CHIC2: variants seen among roughly 807,000 people sequenced by gnomAD.
The protein encoded by CHIC2 is cysteine rich hydrophobic domain 2.
In CHIC2, 14 loss-of-function variants were observed where a neutral mutation model predicts 25.9. That is an observed-to-expected ratio of 0.54 (90% CI 0.36 to 0.85). The LOEUF is 0.85. Ranked by LOEUF, CHIC2 falls within the 40% of genes least tolerant of loss-of-function variation. The pLI, the probability that CHIC2 is intolerant of heterozygous loss-of-function variation, is 0.01. For missense variants in CHIC2, 146 were observed against 202.0 expected (o/e 0.72, Z 1.68); for synonymous variants, 70 against 72.0 (o/e 0.97, Z 0.14).
the CHIC2 span, among the ~76,000 whole-genome samples, chr4:54,073,593 C>G: frequency 1.3e-5 from 2 of 152,176 alleles, no homozygotes; most frequent in Non-Finnish European, 1.5e-5. Flanking sequence ...TCCTCCAGCT[C>G]CAGCCAAGCA....
At chr4:54,033,935 C>T (rs970686556) in intron 3 of CHIC2, among the ~76,000 whole-genome samples, 2 of 151,852 alleles carry the variant, frequency 1.3e-5, no homozygotes, top group South Asian at 2.1e-4. Context: ...AATTGGGTAG[C>T]GTTGGTTCTC....
chr4:54,046,899 A>C lies in CHIC2; in HGVS notation c.330+2056T>G, dbSNP rs1021061204. On this transcript the variant is annotated intron_variant, in intron 3 of 5. Transcript: ENST00000263921. ...GGGAGAAAATTTTTGCAACCTGCTC[A>C]TCTGACAAAGGGCTAATATCCAGAA... Among the ~76,000 whole-genome samples, 92 of 152,254 alleles carry C rather than the reference A, an allele frequency of 6.0e-4. 1 individual carries two copies. Among genetic ancestry groups the C allele is most frequent in the Non-Finnish European group, 1.0e-3 (71 of 68,038 alleles).
intron 3 of CHIC2, among the ~76,000 whole-genome samples, chr4:54,032,020 C>G (rs913550791): frequency 6.6e-6 from 1 of 152,080 alleles, no homozygotes; most frequent in Non-Finnish European, 1.5e-5. Flanking sequence ...CACCAAAATG[C>G]AAGTTCTAGC....
At chr4:54,041,358 T>C (rs1234640019) in intron 3 of CHIC2, among the ~76,000 whole-genome samples, 1 of 152,094 alleles carries the variant, frequency 6.6e-6, no homozygotes, top group Non-Finnish European at 1.5e-5. Context: ...TTTATACTCA[T>C]GCCTCTCGAT....
the CHIC2 span, chr4:54,087,254 G>A: frequency 1.5e-3 from 936 of 606,110 alleles, 3 homozygotes; most frequent in Non-Finnish European, 1.8e-3. Context: ...TGTTGAAAGC[G>A]AGGACGCATT....
At chr4:54,086,555 C>G in the CHIC2 span, among the ~76,000 whole-genome samples, 4 of 151,996 alleles carry the variant, frequency 2.6e-5, no homozygotes, top group Non-Finnish European at 5.9e-5. Context: ...TAAACATAAA[C>G]AGAAGATATT....
intron 3 of CHIC2, among the ~76,000 whole-genome samples, chr4:54,034,276 T>C (rs1716316250): frequency 6.6e-6 from 1 of 151,946 alleles, no homozygotes; most frequent in African/African-American, 2.4e-5. Context: ...TGGTGGTGCA[T>C]ACCTGTAATT....
At chr4:54,054,493 A>C (rs1482906503) in intron 1 of CHIC2, among the ~76,000 whole-genome samples, 1 of 152,226 alleles carries the variant, frequency 6.6e-6, no homozygotes, top group Non-Finnish European at 1.5e-5. Flanking sequence ...TTACAGTGAT[A>C]TTTTTAACAG....
chr4:54,013,735 T>G, intron 5 of CHIC2, 102 bp downstream of exon 5: 1 of 1,168,734 alleles, frequency 8.6e-7, no homozygotes. Context: ...GAGATTAAGC[T>G]CCTGACACCT....
chr4:54,071,008 A>G, the CHIC2 span, among the ~76,000 whole-genome samples: 75 of 152,290 alleles, frequency 4.9e-4, no homozygotes, highest in Middle Eastern at 3.4e-3. Context: ...CTTCTGCTCC[A>G]ATGCTTTAGG....
intron 1 of CHIC2, among the ~76,000 whole-genome samples, chr4:54,056,001 T>C (rs1289357831): frequency 6.6e-6 from 1 of 152,208 alleles, no homozygotes; most frequent in Non-Finnish European, 1.5e-5. Context: ...TCTGGTTTTA[T>C]GAAAGTTTAA....
At chr4:54,056,204 A>AT (rs1298039485) in intron 1 of CHIC2, among the ~76,000 whole-genome samples, 1 of 152,210 alleles carries the variant, frequency 6.6e-6, no homozygotes, top group Admixed American at 6.5e-5. Context: ...TGAAAGCTAT[A>AT]TAAGTGTATA....
At chr4:54,026,027 T>C (rs1716047904) in intron 3 of CHIC2, among the ~76,000 whole-genome samples, 1 of 152,124 alleles carries the variant, frequency 6.6e-6, no homozygotes, top group Non-Finnish European at 1.5e-5. Context: ...TTTATTACCT[T>C]ACTTAATCTG....
intron 3 of CHIC2, among the ~76,000 whole-genome samples, chr4:54,014,452 G>A (rs1715684120): frequency 6.6e-6 from 1 of 151,878 alleles, no homozygotes. Context: ...AATAGTAACG[G>A]AAGTTCCTTA....
intron 3 of CHIC2, among the ~76,000 whole-genome samples, chr4:54,022,009 A>G (rs1715913716): frequency 6.6e-6 from 1 of 152,100 alleles, no homozygotes; most frequent in Non-Finnish European, 1.5e-5. Flanking sequence ...GCCAGCACAC[A>G]AGAACTCCAA....
rs576113692 is a variant in CHIC2 at position 54,019,268 on chromosome 4, C to T, written c.331-5149G>A. Among the ~76,000 whole-genome samples the T allele has an allele frequency of 4.6e-5, 7 of 152,004 alleles. No homozygotes were observed. The South Asian group carries it at 8.3e-4, about 18-fold the overall frequency. On this transcript the variant is annotated intron_variant, in intron 3 of 5. Coordinates refer to ENST00000263921, the MANE Select transcript of CHIC2 (RefSeq NM_012110.4). ...ACAAAAAAAAACTAGAATATGATTT[C>T]TCAAAAGGATTTTTAAACAAATTCC...
chr4:54,017,419 G>A (rs1715769096), intron 3 of CHIC2, among the ~76,000 whole-genome samples: 1 of 152,128 alleles, frequency 6.6e-6, no homozygotes, highest in African/African-American at 2.4e-5. Flanking sequence ...AGAATTTAGT[G>A]CTTGTGAAAA....
At chr4:54,034,804 T>TG (rs1330268394) in intron 3 of CHIC2, among the ~76,000 whole-genome samples, 1 of 152,226 alleles carries the variant, frequency 6.6e-6, no homozygotes, top group African/African-American at 2.4e-5. Context: ...AACATACTCT[T>TG]GGCTTGTTCT....
At chr4:54,014,252 T>A in intron 3 of CHIC2, 133 bp from the exon 4 acceptor site, 1 of 666,264 alleles carries the variant, frequency 1.5e-6, no homozygotes, top group South Asian at 1.9e-5. Flanking sequence ...TCACTATCGA[T>A]GTTCTAAGCA....
Sources: gnomAD v4.1 joint callset for allele counts (sites outside exome capture counted in the v4.1 genomes callset) on GRCh38, gnomAD v4.1.1 for gene constraint, MANE v1.5 for transcripts, NCBI Gene and HGNC (gene_info 2026-07-23, HGNC 2026-07-21) for gene names.